Variants in ZRANB3 observed in about 807,000 individuals in gnomAD.
ZRANB3 encodes the protein zinc finger RANBP2-type containing 3.
A neutral mutation model predicts 133.8 loss-of-function variants in ZRANB3; 125 were observed. The observed-to-expected ratio is 0.93, with a 90% CI of 0.81 to 1.08. The LOEUF (loss-of-function observed/expected upper bound fraction) is 1.08. Ranked by LOEUF, ZRANB3 falls within the 50% of genes least tolerant of loss-of-function variation. ZRANB3 has a pLI of 0.00. For synonymous variants in ZRANB3, 387 were observed against 432.7 expected (o/e 0.89, Z 1.31); for missense variants, 1,229 against 1,275.5 (o/e 0.96, Z 0.56).
At chr2:135,387,731 G>A (rs981889241) in intron 3 of ZRANB3, among the ~76,000 whole-genome samples, 4 of 152,100 alleles carry the variant, frequency 2.6e-5, no homozygotes, top group African/African-American at 9.7e-5. Context: ...ACAGGAAGGT[G>A]GAAGTTTTTT....
At chr2:135,522,135 G>GT (rs1693972837) in intron 1 of ZRANB3, among the ~76,000 whole-genome samples, 1 of 152,126 alleles carries the variant, frequency 6.6e-6, no homozygotes, top group South Asian at 2.1e-4. Context: ...GTCCCGAAAA[G>GT]TTAAAGATCT....
At chr2:135,398,160 G>A (rs939255363) in intron 2 of ZRANB3, among the ~76,000 whole-genome samples, 12 of 151,898 alleles carry the variant, frequency 7.9e-5, no homozygotes, top group African/African-American at 1.2e-4. Context: ...CTGCCTCCCG[G>A]GTTCACGCCA....
intron 3 of ZRANB3, among the ~76,000 whole-genome samples, chr2:135,382,359 A>G (rs902135497): frequency 3.9e-5 from 6 of 152,228 alleles, no homozygotes; most frequent in Admixed American, 3.9e-4. Flanking sequence ...GACCAAATCT[A>G]TGTCTGATTG....
intron 3 of ZRANB3, among the ~76,000 whole-genome samples, chr2:135,387,356 T>C (rs570716546): frequency 1.3e-5 from 2 of 152,350 alleles, no homozygotes; most frequent in African/African-American, 2.4e-5. Flanking sequence ...GAAAACCATA[T>C]TAGAAAACAG....
intron 6 of ZRANB3, among the ~76,000 whole-genome samples, chr2:135,337,853 G>A (rs148173143): frequency 2.6e-5 from 4 of 152,112 alleles, no homozygotes; most frequent in East Asian, 1.9e-4. Context: ...TGTCAGTTAC[G>A]TAAGTACTCC....
chr2:135,236,983 T>G (rs1266902403), intron 12 of ZRANB3, among the ~76,000 whole-genome samples: 2 of 151,980 alleles, frequency 1.3e-5, no homozygotes, highest in Admixed American at 6.6e-5. Flanking sequence ...CAAAAGAAAC[T>G]ACCATCAGAG....
At chr2:135,318,660 A>G (rs570682451) in intron 6 of ZRANB3, among the ~76,000 whole-genome samples, 2 of 152,340 alleles carry the variant, frequency 1.3e-5, no homozygotes, top group Non-Finnish European at 2.9e-5. Context: ...GGTCATAGTT[A>G]AAGAGACCGA....
At chr2:135,504,008 A>C (rs1374356378) in intron 2 of ZRANB3, among the ~76,000 whole-genome samples, 1 of 152,138 alleles carries the variant, frequency 6.6e-6, no homozygotes, top group Non-Finnish European at 1.5e-5. Context: ...AAAACAAAAA[A>C]CGATGGAAAT....
At chr2:135,336,635 G>GA (rs1278582922) in intron 6 of ZRANB3, among the ~76,000 whole-genome samples, 1 of 152,134 alleles carries the variant, frequency 6.6e-6, no homozygotes, top group African/African-American at 2.4e-5. Context: ...GCTTTCTCCA[G>GA]AAAACAGAAC....
intron 8 of ZRANB3, among the ~76,000 whole-genome samples, chr2:135,282,847 A>G (rs992158282): frequency 6.6e-6 from 1 of 152,240 alleles, no homozygotes; most frequent in African/African-American, 2.4e-5. Flanking sequence ...CAATTTGGCA[A>G]GGATACATGA....
intron 12 of ZRANB3, among the ~76,000 whole-genome samples, chr2:135,250,549 C>A (rs986498605): frequency 6.6e-6 from 1 of 152,216 alleles, no homozygotes; most frequent in Non-Finnish European, 1.5e-5. Context: ...GTTTTGTGGG[C>A]CAGGTCCAGG....
intron 2 of ZRANB3, among the ~76,000 whole-genome samples, chr2:135,503,330 T>C (rs1559042013): frequency 6.6e-6 from 1 of 152,200 alleles, no homozygotes; most frequent in Non-Finnish European, 1.5e-5. Flanking sequence ...GATTCATAGA[T>C]AAATACGTGA....
rs532460716 is a variant in ZRANB3, at chr2:135,452,461, G to A, written c.161+51868C>T. On this transcript the variant is annotated intron_variant, in intron 2 of 20. Coordinates refer to ENST00000264159, the MANE Select transcript of ZRANB3 (RefSeq NM_032143.4). ...AACTAATTTCAGCATTAACCTAAAA[G>A]TCCACAATCCAAAGTCTCATCTGAG... 7.2e-5 allele frequency among the ~76,000 whole-genome samples: 11 copies of A among 152,132 alleles called. No homozygotes were observed. The South Asian group carries it at 2.3e-3, about 32-fold the overall frequency.
At chr2:135,529,284 T>C (rs1694296832) in intron 1 of ZRANB3, among the ~76,000 whole-genome samples, 1 of 152,166 alleles carries the variant, frequency 6.6e-6, no homozygotes, top group Admixed American at 6.5e-5. Context: ...GTAACTTGTA[T>C]CTTCTTTATT....
At chr2:135,304,550 C>A (rs1284350493) in intron 8 of ZRANB3, among the ~76,000 whole-genome samples, 1 of 151,940 alleles carries the variant, frequency 6.6e-6, no homozygotes, top group African/African-American at 2.4e-5. Context: ...ACAGAGTAAT[C>A]CTGAAGTTAT....
intron 20 of ZRANB3, among the ~76,000 whole-genome samples, chr2:135,201,844 A>G (rs554975890): frequency 6.6e-6 from 1 of 152,278 alleles, no homozygotes; most frequent in East Asian, 1.9e-4. Flanking sequence ...CACTGACCAT[A>G]CCCAGTGGCA....
chr2:135,363,185 T>C (rs1474905341), intron 3 of ZRANB3, among the ~76,000 whole-genome samples: 1 of 152,224 alleles, frequency 6.6e-6, no homozygotes, highest in Non-Finnish European at 1.5e-5. Flanking sequence ...ATTCATTTAT[T>C]TGAGACAGGA....
rs909410419 is a variant in ZRANB3, at chr2:135,209,407, A to G, written c.2496-429T>C. Among the ~76,000 whole-genome samples, 5 of 152,292 alleles carry G rather than the reference A, an allele frequency of 3.3e-5. 1 individual carries two copies. The South Asian group carries it at 1.0e-3, about 32-fold the overall frequency. On this transcript the variant is annotated intron_variant, in intron 17 of 20. Transcript: ENST00000264159. ...CTTCAAGGCTTCTCCAAATCACCTT[A>G]GTCAGTTATAATAGTGTATCAGTGT...
intron 8 of ZRANB3, among the ~76,000 whole-genome samples, chr2:135,296,208 G>A (rs547930818): frequency 7.2e-5 from 11 of 152,290 alleles, no homozygotes; most frequent in Admixed American, 7.2e-4. Flanking sequence ...GTCACTTTCA[G>A]GTATACCAAT....
Sources: gnomAD v4.1 joint callset for allele counts (sites outside exome capture counted in the v4.1 genomes callset) on GRCh38, gnomAD v4.1.1 for gene constraint, MANE v1.5 for transcripts, NCBI Gene and HGNC (gene_info 2026-07-23, HGNC 2026-07-21) for gene names.